ZNF229: variants seen among roughly 807,000 people sequenced by gnomAD.
The protein encoded by ZNF229 is zinc finger protein 229.
In ZNF229, 10 loss-of-function variants were observed where a neutral mutation model predicts 11.8. The observed-to-expected ratio is 0.85, with a 90% CI of 0.52 to 1.44. The LOEUF is 1.44. ZNF229 is among the 40% of genes most tolerant of loss of function. The probability of loss-of-function intolerance (pLI) is 0.00; values close to 1 mark genes in which losing one functional copy is unlikely to be tolerated. For synonymous variants in ZNF229, 368 were observed against 374.8 expected (o/e 0.98, Z 0.21); for missense variants, 1,045 against 1,015.1 (o/e 1.03, Z -0.40).
intron 4 of ZNF229, among the ~76,000 whole-genome samples, chr19:44,436,946 A>G (rs926061248): frequency 6.6e-6 from 1 of 151,788 alleles, no homozygotes; most frequent in African/African-American, 2.4e-5. Flanking sequence ...TTATATATTT[A>G]CATGTACAAA....
chr19:44,428,645 G>A lies in ZNF229; in HGVS notation c.2136C>T (p.Tyr712=), dbSNP rs953678497. The A allele has an allele frequency of 1.9e-6, 3 of 1,613,950 alleles. No homozygotes were observed. Among genetic ancestry groups the A allele is most frequent in the Non-Finnish European group, 1.7e-6 (2 of 1,180,002 alleles). Residue 712 remains tyrosine (Y), a synonymous_variant, in exon 6 of 6, where the codon TAC becomes TAT. Coordinates refer to ENST00000614049, the MANE Select transcript of ZNF229 (RefSeq NM_014518.4). ...HQRLHTGEKP[Y]TCCECGKGFR... Reference sequence around the variant, plus strand: ...AACCCTTCCCACATTCACAACAAGTGTAGGGTTTCTCTCCTGTGTGCAACC... The same window carrying A: ...AACCCTTCCCACATTCACAACAAGTATAGGGTTTCTCTCCTGTGTGCAACC...
chr19:44,435,930 T>C, intron 4 of ZNF229, among the ~76,000 whole-genome samples: 1 of 152,206 alleles, frequency 6.6e-6, no homozygotes, highest in East Asian at 1.9e-4. Context: ...TTAGGCTACA[T>C]TGATGATTTT....
At chr19:44,433,877 C>T (rs1205569161) in intron 4 of ZNF229, among the ~76,000 whole-genome samples, 1 of 152,128 alleles carries the variant, frequency 6.6e-6, no homozygotes, top group East Asian at 1.9e-4. Context: ...AGTGATTCTC[C>T]TGTCTCAGCC....
In ZNF229 at chr19:44,448,359, T is replaced by A. The variant is rs1972039532; in HGVS notation, c.-316A>T. On this transcript the variant is annotated 5_prime_UTR_variant, in exon 1 of 6. Coordinates refer to ENST00000614049, the MANE Select transcript of ZNF229 (RefSeq NM_014518.4). ...GGCTTCGACCCTCCGCCGCACGTTG[T>A]CCCTTCACACTGGTCCTATAGAGCC... 6.6e-6 allele frequency: 1 copy of A among 152,376 alleles called. No individual in the cohort carries two copies. The highest frequency in any genetic ancestry group is 1.5e-5 in the Non-Finnish European group (1 of 68,160). The allele number at this position is 152,376 out of a possible 1,614,324, so 9.4% of individuals were successfully genotyped here.
intron 4 of ZNF229, among the ~76,000 whole-genome samples, chr19:44,439,275 C>T (rs1971867079): frequency 6.6e-6 from 1 of 152,234 alleles, no homozygotes; most frequent in Admixed American, 6.5e-5. Context: ...ACTAAGTATA[C>T]CCCTTTGGGC....
intron 4 of ZNF229, among the ~76,000 whole-genome samples, chr19:44,440,108 G>A (rs1261879299): frequency 6.6e-6 from 1 of 151,912 alleles, no homozygotes; most frequent in East Asian, 1.9e-4. Flanking sequence ...TTTTGTGTAG[G>A]GGGGAGCTTG....
chr19:44,432,890 T>C (rs535412900), intron 4 of ZNF229, among the ~76,000 whole-genome samples: 3 of 152,098 alleles, frequency 2.0e-5, no homozygotes, highest in African/African-American at 7.2e-5. Flanking sequence ...AAAGATAAAC[T>C]GCATATCTCT....
chr19:44,432,059 TC>T (rs1305062058), intron 5 of ZNF229, 162 bp downstream of exon 5: 1 of 1,343,140 alleles, frequency 7.4e-7, no homozygotes, highest in Non-Finnish European at 9.7e-7. Context: ...GACTGTGCCT[TC>T]CAGAAATAAA....
At chr19:44,431,334 T>G (rs993833361) in intron 5 of ZNF229, among the ~76,000 whole-genome samples, 1 of 152,192 alleles carries the variant, frequency 6.6e-6, no homozygotes, top group Admixed American at 6.5e-5. Flanking sequence ...TTTAAAAATT[T>G]GTCCATGTTT....
At chr19:44,444,662 C>G (rs553779300) in intron 2 of ZNF229, among the ~76,000 whole-genome samples, 2 of 152,274 alleles carry the variant, frequency 1.3e-5, no homozygotes, top group South Asian at 4.1e-4. Context: ...TGCTAGAGTC[C>G]AGCTCCAAAG....
Position 44,428,290 on chromosome 19 carries a change from C to A in ZNF229, c.*13G>T, listed in dbSNP as rs764762325. The A allele has an allele frequency of 6.9e-6, 11 of 1,587,384 alleles. No homozygotes were observed. In the Admixed American group the frequency reaches 1.0e-4, roughly 15 times the overall value. On this transcript the variant is annotated 3_prime_UTR_variant, in exon 6 of 6. Transcript: ENST00000614049. ...GAAAGCTCTGAGTCCCAGATGGAAT[C>A]CTCTATGTACATCTACTTATAAGGG...
At chr19:44,445,796 T>C (rs552983266) in intron 2 of ZNF229, among the ~76,000 whole-genome samples, 1 of 152,188 alleles carries the variant, frequency 6.6e-6, no homozygotes, top group Non-Finnish European at 1.5e-5. Flanking sequence ...ACACAGCAGG[T>C]GCTCAATAAA....
Sources: gnomAD v4.1 joint callset for allele counts (sites outside exome capture counted in the v4.1 genomes callset) on GRCh38, gnomAD v4.1.1 for gene constraint, MANE v1.5 for transcripts, NCBI Gene and HGNC (gene_info 2026-07-23, HGNC 2026-07-21) for gene names.